SLC38A12: variants seen among roughly 807,000 people sequenced by gnomAD.
SLC38A12 encodes the protein putative sodium-coupled neutral amino acid transporter 12.
the SLC38A12 span, among the ~76,000 whole-genome samples, chr17:74,799,562 G>A: frequency 4.6e-5 from 7 of 152,254 alleles, no homozygotes; most frequent in African/African-American, 1.2e-4. Context: ...AGCTCCCTCC[G>A]GACACCCCCT....
the SLC38A12 span, chr17:74,838,419 C>A: frequency 9.9e-7 from 1 of 1,009,260 alleles, no homozygotes; most frequent in Non-Finnish European, 1.2e-6. Context: ...TCTCCAATTA[C>A]GTTCCCTCTT....
the SLC38A12 span, chr17:74,795,645 G>A: frequency 6.2e-7 from 1 of 1,607,956 alleles, no homozygotes; most frequent in African/African-American, 1.3e-5. Flanking sequence ...GAGTGTCTGT[G>A]CCTCTGTGCC....
chr17:74,827,735 G>C, the SLC38A12 span, among the ~76,000 whole-genome samples: 10 of 152,330 alleles, frequency 6.6e-5, no homozygotes, highest in African/African-American at 2.4e-4. The surrounding 1 kb of genome is among the most constrained non-coding windows in gnomAD (Gnocchi z 4.7). Context: ...CCTCTAGGCT[G>C]CAGGATCCTT....
At chr17:74,791,665 C>T in the SLC38A12 span, among the ~76,000 whole-genome samples, 1 of 152,228 alleles carries the variant, frequency 6.6e-6, no homozygotes, top group Non-Finnish European at 1.5e-5. Flanking sequence ...GCAGAGGGCG[C>T]TAGGAGCCCA....
At chr17:74,813,943 TCCAGCCAGAGGAAGGATGACGA>T in the SLC38A12 span, among the ~76,000 whole-genome samples, 2 of 152,320 alleles carry the variant, frequency 1.3e-5, no homozygotes, top group South Asian at 4.1e-4. Context: ...TCCGTCTCCT[TCCAGCCAGAGGAAGGATGACGA>T]CCAGCAGCAC....
the SLC38A12 span, chr17:74,838,924 G>T: frequency 6.5e-7 from 1 of 1,535,766 alleles, no homozygotes; most frequent in Non-Finnish European, 8.7e-7. Context: ...GAGCAGAAGA[G>T]GATGCCAGCC....
the SLC38A12 span, chr17:74,838,726 G>A: frequency 6.9e-7 from 1 of 1,443,320 alleles, no homozygotes; most frequent in African/African-American, 1.4e-5. Context: ...CCAGGCTTCT[G>A]CCGCTGACGG....
At chr17:74,781,004 G>C in the SLC38A12 span, among the ~76,000 whole-genome samples, 2 of 152,200 alleles carry the variant, frequency 1.3e-5, no homozygotes, top group Non-Finnish European at 2.9e-5. Context: ...AGGACAGTAG[G>C]CAGTGTCTAG....
chr17:74,809,923 C>T, the SLC38A12 span, among the ~76,000 whole-genome samples: 3 of 152,234 alleles, frequency 2.0e-5, no homozygotes, highest in African/African-American at 4.8e-5. Context: ...CAGAGTTCAT[C>T]TTTATCTCCG....
chr17:74,839,310 C>G, the SLC38A12 span: 4 of 840,296 alleles, frequency 4.8e-6, no homozygotes, highest in Non-Finnish European at 5.3e-6. Context: ...AGGCAAAGGC[C>G]AGAGTCAGAG....
the SLC38A12 span, among the ~76,000 whole-genome samples, chr17:74,788,377 C>T: frequency 1.1e-4 from 17 of 152,274 alleles, no homozygotes; most frequent in African/African-American, 3.9e-4. Context: ...GCAAGGTTGA[C>T]GTGAAAGCTG....
chr17:74,823,990 C>T, the SLC38A12 span, among the ~76,000 whole-genome samples: 1 of 152,370 alleles, frequency 6.6e-6, no homozygotes, highest in East Asian at 1.9e-4. Context: ...TGAGCATGAC[C>T]GTCTTCAGCA....
the SLC38A12 span, among the ~76,000 whole-genome samples, chr17:74,830,272 G>A: frequency 1.3e-5 from 2 of 152,242 alleles, no homozygotes; most frequent in African/African-American, 4.8e-5. Flanking sequence ...GGTTCCAGGA[G>A]GGCAGGGATA....
chr17:74,786,865 C>G, the SLC38A12 span, among the ~76,000 whole-genome samples: 1 of 152,080 alleles, frequency 6.6e-6, no homozygotes, highest in African/African-American at 2.4e-5. Flanking sequence ...CTCCGCTGTC[C>G]CCTTTAAAGG....
the SLC38A12 span, chr17:74,795,024 T>C: frequency 6.2e-7 from 1 of 1,613,938 alleles, no homozygotes; most frequent in Non-Finnish European, 8.5e-7. Flanking sequence ...GGGGTCAACT[T>C]GTTCTATTTC....
the SLC38A12 span, among the ~76,000 whole-genome samples, chr17:74,794,275 C>G: frequency 1.3e-5 from 2 of 152,342 alleles, no homozygotes; most frequent in Admixed American, 6.5e-5. Context: ...GACTAGAGCC[C>G]TGTGTTCCCA....
the SLC38A12 span, among the ~76,000 whole-genome samples, chr17:74,813,114 C>T: frequency 4.2e-4 from 64 of 152,244 alleles, no homozygotes; most frequent in African/African-American, 1.4e-3. Context: ...TCCCCTGCCC[C>T]GCCCCACTTC....
At chr17:74,819,455 G>A in the SLC38A12 span, among the ~76,000 whole-genome samples, 1 of 152,254 alleles carries the variant, frequency 6.6e-6, no homozygotes, top group African/African-American at 2.4e-5. Flanking sequence ...TTGCTGAAGA[G>A]AGCAGGACGC....
At chr17:74,823,676 C>G in the SLC38A12 span, among the ~76,000 whole-genome samples, 5 of 152,220 alleles carry the variant, frequency 3.3e-5, no homozygotes, top group Non-Finnish European at 2.9e-5. Flanking sequence ...GTGCTGTCCC[C>G]AGCAGTGAGG....
Sources: allele counts gnomAD v4.1 joint callset (sites outside exome capture counted in the v4.1 genomes callset), GRCh38; gene constraint gnomAD v4.1.1; non-coding constraint Gnocchi (gnomAD v3.1); transcripts MANE v1.5; gene names NCBI Gene and HGNC (gene_info 2026-07-23, HGNC 2026-07-21).